Variants in NOX5 observed in about 807,000 individuals in gnomAD.
NOX5 encodes the protein NADPH oxidase 5.
NOX5 carries 76 observed loss-of-function variants against 85.7 expected under a neutral mutation model. The observed-to-expected ratio is 0.89, with a 90% CI of 0.74 to 1.07. The LOEUF (loss-of-function observed/expected upper bound fraction) is 1.07, where lower values mean the gene tolerates loss of function less well. NOX5 is among the 50% of genes least tolerant of loss of function. The pLI is 0.00. For missense variants in NOX5, 973 were observed against 999.5 expected (o/e 0.97, Z 0.36); for synonymous variants, 405 against 401.4 (o/e 1.01, Z -0.11).
intron 11 of NOX5, chr15:69,047,104 C>T: frequency 1.7e-6 from 1 of 591,806 alleles, no homozygotes; most frequent in Admixed American, 2.9e-5. Flanking sequence ...GATGGGTGTA[C>T]AGTGTATAGG....
At position 69,035,830 on chromosome 15, in the gene NOX5, G is replaced by C. The variant is rs749823410; in HGVS notation, c.1082G>C (p.Gly361Ala). The C allele has an allele frequency of 2.5e-6, 4 of 1,614,178 alleles. No homozygotes were observed. The Admixed American group carries it at 5.0e-5, about 20-fold the overall frequency. Residue 361 changes from glycine (G) to alanine (A), a missense_variant, in exon 7 of 16, where the codon GGC becomes GCC. Transcript: ENST00000388866. ...CTGCTCACCACGAGGCCTGGCATTGGCTGGGTACACGGTTCGGCCTCCCCG... is the reference window on the plus strand; with the variant it reads ...CTGCTCACCACGAGGCCTGGCATTGCCTGGGTACACGGTTCGGCCTCCCCG... Reference protein sequence around the residue: ...ELLLTTRPGIGWVHGSASPTG... With the variant: ...ELLLTTRPGIAWVHGSASPTG...
In NOX5 at chr15:69,037,096, C is replaced by T; in HGVS notation, c.1257C>T (p.Phe419=). 1 of 1,614,112 alleles carries T rather than the reference C, an allele frequency of 6.2e-7. No individual in the cohort carries two copies. Among genetic ancestry groups the T allele is most frequent in the Non-Finnish European group, 8.5e-7 (1 of 1,180,024 alleles). ...TGCTCATCTTTCATGGGCCCAACTTCTGGAAGTGGCTGCTGGTGCCTGGAA... is the reference window on the plus strand; with the variant it reads ...TGCTCATCTTTCATGGGCCCAACTTTTGGAAGTGGCTGCTGGTGCCTGGAA... ...WLLLIFHGPN[F]WKWLLVPGIL... is the part of the protein sequence containing the mutation. Residue 419 remains phenylalanine, a synonymous_variant, in exon 8 of 16, where the codon TTC becomes TTT. Transcript: ENST00000388866.
At position 69,038,905 on chromosome 15, in the gene NOX5, G is replaced by A; in HGVS notation, c.1420G>A (p.Gly474Ser). The A allele has an allele frequency of 6.2e-7, 1 of 1,614,054 alleles. No individual in the cohort carries two copies. The highest frequency in any genetic ancestry group is 1.3e-5 in the African/African-American group (1 of 74,978). The change falls in exon 9 of 16, where the codon GGT becomes AGT. Residue 474 changes from glycine (G) to serine (S), a missense_variant. By Grantham distance (56) the Gly-to-Ser change is moderately conservative (BLOSUM62 0). Coordinates refer to ENST00000388866, the MANE Select transcript of NOX5 (RefSeq NM_024505.4). ...KRPPFFHYRPGDYLYLNIPTI... is the reference protein window; with the variant it reads ...KRPPFFHYRPSDYLYLNIPTI... ...GCCCCCTTTTTTTCACTATAGACCT[G>A]GTGACTACTTGTATCTGAACATCCC...
Position 69,031,701 on chromosome 15 carries a change from C to T in NOX5, c.509C>T (p.Thr170Met). The part of the protein sequence containing the change: ...SLPDEKLDQL[T>M]LALFESADAD... ...CCTGACGAGAAGCTGGACCAGCTGA[C>T]GCTGGCGCTCTTCGAATCGGCCGAC... The change falls in exon 4 of 16, where the codon ACG becomes ATG. Residue 170 changes from threonine to methionine, a missense_variant. By Grantham distance (81) the Thr-to-Met change is moderately conservative. Coordinates refer to ENST00000388866, the MANE Select transcript of NOX5 (RefSeq NM_024505.4). 2 of 1,613,234 alleles carry T rather than the reference C, an allele frequency of 1.2e-6. No individual in the cohort carries two copies. Among genetic ancestry groups the T allele is most frequent in the Non-Finnish European group, 1.7e-6 (2 of 1,179,820 alleles).
At chr15:69,050,889 C>G (rs935443344) in intron 14 of NOX5, among the ~76,000 whole-genome samples, 2 of 152,214 alleles carry the variant, frequency 1.3e-5, no homozygotes, top group Non-Finnish European at 2.9e-5. Context: ...ACGGCAAAGC[C>G]TCTTCGCTTT....
chr15:69,034,441 C>G (rs1468005746), intron 5 of NOX5, among the ~76,000 whole-genome samples: 2 of 152,160 alleles, frequency 1.3e-5, no homozygotes, highest in African/African-American at 4.8e-5. Context: ...GATTCATTTT[C>G]TTGGTCACTT....
In NOX5 at chr15:69,053,374, C is replaced by T. The variant is rs368474934; in HGVS notation, c.2000-1960C>T. On this transcript the variant is annotated intron_variant, in intron 14 of 15. Transcript: ENST00000388866. ...AGAACAGTGACTGGAGCTTAATAAA[C>T]TGCTTGATAAATTTAGTGGTGGTGG... 1.0e-3 allele frequency among the ~76,000 whole-genome samples: 156 copies of T among 152,226 alleles called. 1 individual carries two copies. Among genetic ancestry groups the T allele is most frequent in the African/African-American group, 3.6e-3 (149 of 41,542 alleles).
intron 5 of NOX5, 109 bp downstream of exon 5, chr15:69,033,386 G>A: frequency 2.3e-6 from 3 of 1,280,910 alleles, no homozygotes; most frequent in Non-Finnish European, 2.1e-6. Context: ...AGGGCAGGGT[G>A]GCACCTTAGA....
At chr15:69,014,930 C>T in intron 1 of NOX5, 145 bp downstream of exon 1, 1 of 659,176 alleles carries the variant, frequency 1.5e-6, no homozygotes, top group African/African-American at 1.8e-5. Context: ...TTGCTACTAG[C>T]AAGCTGGGCA....
Position 69,047,908 on chromosome 15 carries a change from T to C in NOX5, c.1896T>C (p.His632=), listed in dbSNP as rs148180732. Residue 632 remains histidine (H), a synonymous_variant, in exon 13 of 16, where the codon CAT becomes CAC. Coordinates refer to ENST00000388866, the MANE Select transcript of NOX5 (RefSeq NM_024505.4). ...IEGVQDNMKL[H]KVDFIWINRD... The stretch of plus-strand genomic sequence containing the variant: ...GTGTCCAAGACAACATGAAGCTCCA[T>C]AAGGTGAGTACCACCTCCTGCAGGC... 28 of 1,614,076 alleles carry C rather than the reference T, an allele frequency of 1.7e-5. No homozygotes were observed. Among genetic ancestry groups the C allele is most frequent in the Non-Finnish European group, 2.4e-5 (28 of 1,179,926 alleles).
rs1217828949 is a variant in NOX5 at position 69,045,065 on chromosome 15, G to GA, written c.1648-1755dup. Among the ~76,000 whole-genome samples the GA allele has an allele frequency of 2.0e-5, 3 of 152,224 alleles. No individual in the cohort carries two copies. The East Asian group carries it at 5.8e-4, about 29-fold the overall frequency. On this transcript the variant is annotated intron_variant, in intron 10 of 15. Transcript: ENST00000388866. Reference sequence around the variant, plus strand: ...AAGACAGTGGCCTAGTAAGGCTGAGGAAGGTGGGACTAGAGACAGGAGGGC... The same window carrying GA: ...AAGACAGTGGCCTAGTAAGGCTGAGGAAAGGTGGGACTAGAGACAGGAGGGC...
In NOX5 at chr15:69,036,031, G is replaced by A. The variant is rs996177463; in HGVS notation, c.1188+95G>A. On this transcript the variant is annotated intron_variant, in intron 7 of 15. Coordinates refer to ENST00000388866, the MANE Select transcript of NOX5 (RefSeq NM_024505.4). ...TCTGATTTACTCCAGAGCCCAGGAA[G>A]GTCCCAAGCTGGTCTGCATATTATT... 3 of 1,526,256 alleles carry A rather than the reference G, an allele frequency of 2.0e-6. No homozygotes were observed. In the African/African-American group the frequency reaches 4.1e-5, roughly 21 times the overall value. 94.5% of individuals were successfully genotyped at this position (1,526,256 alleles called of 1,614,324 possible). A position where few individuals can be genotyped will look rare whatever the true frequency, so the allele number is the denominator to read the frequency against.
In NOX5 at chr15:69,037,048, G is replaced by T. The variant is rs541345747; in HGVS notation, c.1209G>T (p.Leu403=). 3 of 1,613,810 alleles carry T rather than the reference G, an allele frequency of 1.9e-6. No homozygotes were observed. Among genetic ancestry groups the T allele is most frequent in the East Asian group, 4.5e-5 (2 of 44,868 alleles). ...GHFEVFYWTH[L]SYLLVWLLLI... is the part of the protein sequence containing the mutation. ...CATAGGTGTTCTATTGGACTCACCTGTCCTACCTCCTCGTGTGGCTTCTGC... is the reference window on the plus strand; with the variant it reads ...CATAGGTGTTCTATTGGACTCACCTTTCCTACCTCCTCGTGTGGCTTCTGC... Residue 403 remains leucine, a synonymous_variant, in exon 8 of 16, where the codon CTG becomes CTT. Coordinates refer to ENST00000388866, the MANE Select transcript of NOX5 (RefSeq NM_024505.4).
chr15:69,047,474 T>C lies in NOX5; in HGVS notation c.1754T>C (p.Val585Ala). The C allele has an allele frequency of 6.2e-7, 1 of 1,613,956 alleles. No individual in the cohort carries two copies. Among genetic ancestry groups the C allele is most frequent in the Non-Finnish European group, 8.5e-7 (1 of 1,180,000 alleles). The change falls in exon 12 of 16, where the codon GTG (valine) becomes GCG (alanine). Residue 585 changes from valine to alanine, a missense_variant. Val to Ala is a moderately conservative substitution (Grantham distance 64, BLOSUM62 0). Transcript: ENST00000388866. ...AGGATCTTTGCCTCTGAGCATGCCGTGCTCATCGGGGCAGGCATCGGCATC... is the reference window on the plus strand; with the variant it reads ...AGGATCTTTGCCTCTGAGCATGCCGCGCTCATCGGGGCAGGCATCGGCATC... ...TRRIFASEHA[V>A]LIGAGIGITP... is the part of the protein sequence containing the mutation.
rs1292454939 is a variant in NOX5 at position 69,061,664 on chromosome 15, G to T, written c.*4968G>T. 6.6e-6 allele frequency: 1 copy of T among 152,152 alleles called. No individual in the cohort carries two copies. Among genetic ancestry groups the T allele is most frequent in the Non-Finnish European group, 1.5e-5 (1 of 68,022 alleles). The allele number at this position is 152,152 out of a possible 1,614,324, so 9.4% of individuals were successfully genotyped here. On this transcript the variant is annotated 3_prime_UTR_variant, in exon 16 of 16. Coordinates refer to ENST00000388866, the MANE Select transcript of NOX5 (RefSeq NM_024505.4). Reference sequence around the variant, plus strand: ...AATACTCAACCTGAATGGCAGAAATGGCTGGAAAGAGACTTGACTCTCAAG... The same window carrying T: ...AATACTCAACCTGAATGGCAGAAATTGCTGGAAAGAGACTTGACTCTCAAG...
At chr15:69,028,569 C>T (rs745682458) in intron 3 of NOX5, 70 of 397,682 alleles carry the variant, frequency 1.8e-4, no homozygotes, top group Non-Finnish European at 2.7e-4. Flanking sequence ...CCCTGCCCCC[C>T]TTTCTGGGGC....
At chr15:69,047,171 C>T (rs1319140238) in intron 11 of NOX5, 4 of 578,398 alleles carry the variant, frequency 6.9e-6, no homozygotes, top group African/African-American at 5.6e-5. Context: ...CCCAGGGATG[C>T]GAATTGGGTC....
chr15:69,032,634 C>T (rs1278933108), intron 4 of NOX5, among the ~76,000 whole-genome samples: 1 of 152,164 alleles, frequency 6.6e-6, no homozygotes, highest in Non-Finnish European at 1.5e-5. Flanking sequence ...TGGTCTCGAA[C>T]TCCTGACCTC....
intron 7 of NOX5, among the ~76,000 whole-genome samples, chr15:69,036,625 A>G (rs2050519825): frequency 6.6e-6 from 1 of 152,176 alleles, no homozygotes; most frequent in African/African-American, 2.4e-5. Context: ...AAATTGCCCA[A>G]GATCACAAAG....
Sources: gnomAD v4.1 joint callset for allele counts (sites outside exome capture counted in the v4.1 genomes callset) on GRCh38, gnomAD v4.1.1 for gene constraint, MANE v1.5 for transcripts, NCBI Gene and HGNC (gene_info 2026-07-23, HGNC 2026-07-21) for gene names.